The following DENND2B variants were observed in gnomAD, a reference collection of about 807,000 sequenced individuals.
DENND2B encodes the protein DENN domain containing 2B.
DENND2B carries 32 observed loss-of-function variants against 116.0 expected under a neutral mutation model. The ratio of observed to expected loss-of-function variants is 0.28; its 90% CI spans 0.21 to 0.37. The LOEUF (loss-of-function observed/expected upper bound fraction) is 0.37, where lower values mean the gene tolerates loss of function less well. Among genes scored for constraint, DENND2B ranks in the 10% least tolerant of loss-of-function variants. The pLI is 1.00. For synonymous variants in DENND2B, 588 were observed against 583.9 expected (o/e 1.01, Z -0.10); for missense variants, 1,276 against 1,477.7 (o/e 0.86, Z 2.24).
intron 1 of DENND2B, among the ~76,000 whole-genome samples, chr11:8,779,087 T>C (rs556409041): frequency 2.6e-5 from 4 of 152,324 alleles, no homozygotes; most frequent in African/African-American, 9.6e-5. Flanking sequence ...CAGACGAATG[T>C]AGGGCACTGA....
intron 2 of DENND2B, 83 bp downstream of exon 2, chr11:8,750,538 T>C: frequency 1.7e-6 from 2 of 1,161,704 alleles, no homozygotes; most frequent in South Asian, 1.3e-5. Context: ...TCAGTCAAGA[T>C]GATGACTATT....
intron 2 of DENND2B, among the ~76,000 whole-genome samples, chr11:8,864,745 A>G (rs2134689186): frequency 6.6e-6 from 1 of 152,374 alleles, no homozygotes; most frequent in South Asian, 2.1e-4. Flanking sequence ...TATATAAATG[A>G]TAGTGATACA....
At chr11:8,909,523 A>T (rs1455632483) in intron 1 of DENND2B, among the ~76,000 whole-genome samples, 2 of 152,168 alleles carry the variant, frequency 1.3e-5, no homozygotes, top group African/African-American at 4.8e-5. Flanking sequence ...TCCCGAGTGG[A>T]TATACAGGAC....
At chr11:8,773,987 C>CCAGCT (rs2057293843) in intron 1 of DENND2B, 2 of 423,398 alleles carry the variant, frequency 4.7e-6, no homozygotes, top group African/African-American at 4.3e-5. Context: ...TCTGCCTCTA[C>CCAGCT]CAGCTATGAA....
At chr11:8,713,428 A>G (rs989052836) in intron 8 of DENND2B, among the ~76,000 whole-genome samples, 8 of 151,966 alleles carry the variant, frequency 5.3e-5, no homozygotes, top group Non-Finnish European at 1.0e-4. Context: ...CGCCCAGGCT[A>G]GAGTGCAGTG....
Position 8,715,119 on chromosome 11 carries a change from G to A in DENND2B, c.1846-413C>T, listed in dbSNP as rs116195097. 8.5e-3 allele frequency among the ~76,000 whole-genome samples: 1,288 copies of A among 152,328 alleles called. 21 individuals carry two copies. The highest frequency in any genetic ancestry group is 0.028 in the African/African-American group (1,178 of 41,562). ...TAACCTGGGGCCCCGACAGGAAGAA[G>A]CTAAATTCCCAATATACCCAAGCAT... is the stretch of plus-strand genomic sequence containing the variant. On this transcript the variant is annotated intron_variant, in intron 6 of 19. Coordinates refer to ENST00000313726, the MANE Select transcript of DENND2B (RefSeq NM_213618.2).
At chr11:8,723,474 A>G (rs2046539748) in intron 4 of DENND2B, among the ~76,000 whole-genome samples, 1 of 152,190 alleles carries the variant, frequency 6.6e-6, no homozygotes, top group Non-Finnish European at 1.5e-5. Flanking sequence ...TTCTTAGGTC[A>G]GGTTTGAGAG....
chr11:8,819,889 T>A (rs2061699425), intron 4 of DENND2B, among the ~76,000 whole-genome samples: 1 of 152,254 alleles, frequency 6.6e-6, no homozygotes, highest in South Asian at 2.1e-4. Context: ...TATATCAATA[T>A]CAATTTTAGT....
At chr11:8,850,797 A>G (rs1363015126) in intron 3 of DENND2B, among the ~76,000 whole-genome samples, 1 of 152,206 alleles carries the variant, frequency 6.6e-6, no homozygotes, top group Non-Finnish European at 1.5e-5. Context: ...CAGATAAATA[A>G]AAAAAGAAAA....
intron 1 of DENND2B, among the ~76,000 whole-genome samples, chr11:8,756,043 T>C (rs1308835761): frequency 6.6e-6 from 1 of 152,152 alleles, no homozygotes; most frequent in Non-Finnish European, 1.5e-5. Flanking sequence ...CACAGTGCTA[T>C]AGGAATCAAC....
At chr11:8,694,678 T>C (rs758183285) in intron 19 of DENND2B, 2 of 452,878 alleles carry the variant, frequency 4.4e-6, no homozygotes, top group South Asian at 3.1e-5. Flanking sequence ...ATCAAGAATA[T>C]TTGGGGGAAA....
At chr11:8,719,298 A>G (rs2045709785) in intron 4 of DENND2B, among the ~76,000 whole-genome samples, 1 of 152,210 alleles carries the variant, frequency 6.6e-6, no homozygotes, top group Non-Finnish European at 1.5e-5. Context: ...CAGAACCACA[A>G]CGAATTTAGG....
chr11:8,696,095 C>A, intron 18 of DENND2B: 1 of 311,028 alleles, frequency 3.2e-6, no homozygotes, highest in Non-Finnish European at 6.0e-6. Context: ...TCTCAGAACC[C>A]CCGAAATTGC....
intron 3 of DENND2B, among the ~76,000 whole-genome samples, chr11:8,848,431 T>A (rs1203784737): frequency 1.3e-5 from 2 of 152,076 alleles, no homozygotes; most frequent in African/African-American, 2.4e-5. Flanking sequence ...ACATTATTAA[T>A]AAAATAGGAC....
rs1565660015 is a variant in DENND2B, at chr11:8,707,909, A to C, written c.2353-55T>G. On this transcript the variant is annotated intron_variant, in intron 11 of 19. Coordinates refer to ENST00000313726, the MANE Select transcript of DENND2B (RefSeq NM_213618.2). The surrounding 1 kb of genome is among the most constrained non-coding windows in gnomAD (Gnocchi z 4.8). ...AGACAGACACAGAGAATGCATGATTACCATTTCTGGCTCCTTTTCCTTGGG... is the reference window on the plus strand; with the variant it reads ...AGACAGACACAGAGAATGCATGATTCCCATTTCTGGCTCCTTTTCCTTGGG... 6.4e-7 allele frequency: 1 copy of C among 1,569,930 alleles called. No homozygotes were observed. Among genetic ancestry groups the C allele is most frequent in the Admixed American group, 1.9e-5 (1 of 52,482 alleles).
At chr11:8,696,726 T>A in intron 17 of DENND2B, 60 bp from the exon 18 acceptor site, 1 of 1,592,956 alleles carries the variant, frequency 6.3e-7, no homozygotes. Flanking sequence ...CCTTCCTCAA[T>A]CTTCCTGGTG....
Position 8,745,676 on chromosome 11 carries a change from A to T in DENND2B, c.80+4945T>A, listed in dbSNP as rs531075297. ...AGCACAATAGAAGACAAACTATCTG[A>T]CTTTTGAGGCTAGCTCATTAAAATG... On this transcript the variant is annotated intron_variant, in intron 2 of 19. Coordinates refer to ENST00000313726, the MANE Select transcript of DENND2B (RefSeq NM_213618.2). Among the ~76,000 whole-genome samples, 24 of 152,252 alleles carry T rather than the reference A, an allele frequency of 1.6e-4. No homozygotes were observed. The East Asian group carries it at 3.3e-3, about 21-fold the overall frequency.
At chr11:8,901,229 C>CTTTTCTTTTCTTTTT (rs781408078) in intron 1 of DENND2B, among the ~76,000 whole-genome samples, 40 of 83,926 alleles carry the variant, frequency 4.8e-4, no homozygotes, top group Middle Eastern at 6.4e-3. Context: ...CTTTTCTTTT[C>CTTTTCTTTTCTTTTT]TTTTTTTTTT....
chr11:8,780,105 C>T (rs2058229653), intron 1 of DENND2B, among the ~76,000 whole-genome samples: 1 of 152,152 alleles, frequency 6.6e-6, no homozygotes, highest in Admixed American at 6.5e-5. Context: ...CCAGGACAAC[C>T]ATCTTTCCTC....
Sources: gnomAD v4.1 joint callset for allele counts (sites outside exome capture counted in the v4.1 genomes callset) on GRCh38, gnomAD v4.1.1 for gene constraint, Gnocchi (gnomAD v3.1) non-coding constraint, MANE v1.5 for transcripts, NCBI Gene and HGNC (gene_info 2026-07-23, HGNC 2026-07-21) for gene names.